The following PBX3 variants were observed in gnomAD, a reference collection of about 807,000 sequenced individuals.
PBX3 encodes pre-B-cell leukemia transcription factor 3.
In PBX3, 14 loss-of-function variants were observed where a neutral mutation model predicts 48.5. The observed-to-expected ratio is 0.29, with a 90% CI of 0.19 to 0.45. The LOEUF is 0.45. Ranked by LOEUF, PBX3 falls within the 20% of genes least tolerant of loss-of-function variation. The pLI, the probability that PBX3 is intolerant of heterozygous loss-of-function variation, is 1.00. For missense variants in PBX3, 386 were observed against 546.7 expected (o/e 0.71, Z 2.93); for synonymous variants, 210 against 200.3 (o/e 1.05, Z -0.41).
intron 2 of PBX3, among the ~76,000 whole-genome samples, chr9:125,778,409 C>T (rs962016839): frequency 9.9e-5 from 15 of 152,160 alleles, no homozygotes; most frequent in African/African-American, 3.4e-4. Flanking sequence ...AGGCGCCTGC[C>T]ACCATACCTG....
At chr9:125,949,370 G>A in intron 5 of PBX3, 2 of 1,550,604 alleles carry the variant, frequency 1.3e-6, no homozygotes, top group Non-Finnish European at 1.7e-6. Context: ...TTCTTGCCGG[G>A]CATACAGAGT....
intron 2 of PBX3, among the ~76,000 whole-genome samples, chr9:125,812,923 T>TA (rs1440287109): frequency 6.6e-6 from 1 of 152,220 alleles, no homozygotes. Flanking sequence ...ATAGGGCACT[T>TA]ACCATGAATG....
At chr9:125,787,715 AGGGATT>A (rs1837494667) in intron 2 of PBX3, among the ~76,000 whole-genome samples, 1 of 152,166 alleles carries the variant, frequency 6.6e-6, no homozygotes, top group Admixed American at 6.5e-5. Context: ...GAGAAAATGG[AGGGATT>A]TTAGGATTGT....
intron 2 of PBX3, among the ~76,000 whole-genome samples, chr9:125,766,297 A>G (rs1362749113): frequency 2.0e-5 from 3 of 152,122 alleles, no homozygotes; most frequent in East Asian, 1.9e-4. Context: ...GAAAACTGCC[A>G]TAGCTACCTA....
chr9:125,802,712 T>C (rs565839635), intron 2 of PBX3, among the ~76,000 whole-genome samples: 2 of 151,716 alleles, frequency 1.3e-5, no homozygotes, highest in African/African-American at 4.8e-5. Flanking sequence ...AGAGTCTCTC[T>C]CCGTTGCCCA....
At chr9:125,756,372 T>G (rs1453723544) in intron 2 of PBX3, among the ~76,000 whole-genome samples, 1 of 152,140 alleles carries the variant, frequency 6.6e-6, no homozygotes, top group Admixed American at 6.5e-5. Flanking sequence ...GAATGAATAC[T>G]AGGATTGCTG....
chr9:125,780,767 C>T (rs1277359995), intron 2 of PBX3, among the ~76,000 whole-genome samples: 2 of 124,140 alleles, frequency 1.6e-5, no homozygotes, highest in Admixed American at 7.7e-5. Flanking sequence ...GCTGGCCGGG[C>T]GGGGGGCTGA....
intron 3 of PBX3, among the ~76,000 whole-genome samples, chr9:125,928,686 C>T (rs954928112): frequency 1.1e-4 from 16 of 151,946 alleles, no homozygotes; most frequent in Middle Eastern, 3.2e-3. Context: ...AGGATGGTCT[C>T]GATCTCCTGC....
At chr9:125,797,233 T>C (rs1024911172) in intron 2 of PBX3, among the ~76,000 whole-genome samples, 1 of 152,146 alleles carries the variant, frequency 6.6e-6, no homozygotes, top group African/African-American at 2.4e-5. Flanking sequence ...TTAGGACATA[T>C]TTAGAATGAA....
At chr9:125,833,268 C>G (rs1050643274) in intron 2 of PBX3, among the ~76,000 whole-genome samples, 2 of 152,076 alleles carry the variant, frequency 1.3e-5, no homozygotes, top group African/African-American at 4.8e-5. Flanking sequence ...GGTAGATTGC[C>G]TCAGCTCAGG....
intron 2 of PBX3, among the ~76,000 whole-genome samples, chr9:125,857,605 A>G (rs186211922): frequency 9.9e-5 from 15 of 152,258 alleles, no homozygotes; most frequent in Middle Eastern, 3.4e-3. Context: ...TCAAGAAGTG[A>G]TATTATCTTT....
chr9:125,955,721 T>C (rs1052748096), intron 5 of PBX3, among the ~76,000 whole-genome samples: 12 of 152,248 alleles, frequency 7.9e-5, no homozygotes, highest in African/African-American at 2.9e-4. Context: ...TCAGACCTGC[T>C]GGGATATCTC....
chr9:125,961,576 T>C (rs1394838307), intron 6 of PBX3, among the ~76,000 whole-genome samples: 1 of 152,186 alleles, frequency 6.6e-6, no homozygotes, highest in East Asian at 1.9e-4. Context: ...TCTTTAGAAG[T>C]TCAGAAAGTA....
intron 5 of PBX3, among the ~76,000 whole-genome samples, chr9:125,949,693 A>G (rs1174648275): frequency 1.3e-5 from 2 of 152,246 alleles, no homozygotes; most frequent in Non-Finnish European, 2.9e-5. Flanking sequence ...AGAAGACTGC[A>G]GTGGGTATGT....
chr9:125,866,687 T>A (rs764536728), intron 2 of PBX3, among the ~76,000 whole-genome samples: 1 of 152,222 alleles, frequency 6.6e-6, no homozygotes, highest in Non-Finnish European at 1.5e-5. Flanking sequence ...CGTTTCTAGC[T>A]AACAGGGCTA....
intron 3 of PBX3, among the ~76,000 whole-genome samples, chr9:125,923,110 C>T (rs1430890945): frequency 6.6e-6 from 1 of 152,222 alleles, no homozygotes; most frequent in Non-Finnish European, 1.5e-5. Flanking sequence ...AGTTGTGAGA[C>T]ATTCAGCAAA....
At chr9:125,834,630 T>G (rs957690361) in intron 2 of PBX3, among the ~76,000 whole-genome samples, 3 of 151,386 alleles carry the variant, frequency 2.0e-5, no homozygotes, top group Non-Finnish European at 4.4e-5. Flanking sequence ...ACTCCTGACC[T>G]CAGGTGATCC....
Position 125,859,268 on chromosome 9 carries a change from C to G in PBX3, c.275-56418C>G, listed in dbSNP as rs562526346. Among the ~76,000 whole-genome samples, 323 of 152,262 alleles carry G rather than the reference C, an allele frequency of 2.1e-3. 3 individuals carry two copies. The highest frequency in any genetic ancestry group is 7.1e-3 in the African/African-American group (295 of 41,546). On this transcript the variant is annotated intron_variant, in intron 2 of 8. Coordinates refer to ENST00000373489, the MANE Select transcript of PBX3 (RefSeq NM_006195.6). ...GTCGGTCTTCCCTGTTATTTTTGGG[C>G]TCTGTCCTTCATAGCATTTATCATA... is the stretch of plus-strand genomic sequence containing the variant.
At chr9:125,935,645 G>A (rs1841819729) in intron 5 of PBX3, 38 bp downstream of exon 5, 1 of 1,576,052 alleles carries the variant, frequency 6.3e-7, no homozygotes. Context: ...GTTCCCTGTG[G>A]AGACAGGAAC....
Sources: gnomAD v4.1 joint callset for allele counts (sites outside exome capture counted in the v4.1 genomes callset) on GRCh38, gnomAD v4.1.1 for gene constraint, MANE v1.5 for transcripts, NCBI Gene and HGNC (gene_info 2026-07-23, HGNC 2026-07-21) for gene names.